Variants in FBXO31 observed in about 807,000 individuals in gnomAD.
FBXO31 encodes the protein F-box protein 31, also known as F-box only protein 31.
In FBXO31, 24 loss-of-function variants were observed where a neutral mutation model predicts 54.4. The observed-to-expected ratio is 0.44, with a 90% confidence interval of 0.32 to 0.62. The LOEUF is 0.62. Ranked by LOEUF, FBXO31 falls within the 20% of genes least tolerant of loss-of-function variation. The pLI is 0.05. For synonymous variants in FBXO31, 388 were observed against 335.6 expected, an observed-to-expected ratio of 1.16 and a Z score of -1.71; for missense variants, 665 against 787.1, an observed-to-expected ratio of 0.84 and a Z score of 1.86.
rs1015578948 is a variant in FBXO31, at chr16:87,327,861, G to C, written c.*3427C>G. ...GTGATGGTTCTATGAGCACATTCCC[G>C]TAAGTGTTCTTAAAAGTTACACCAC... On this transcript the variant is annotated 3_prime_UTR_variant, in exon 9 of 9. Coordinates refer to ENST00000311635, the MANE Select transcript of FBXO31 (RefSeq NM_024735.5). The C allele has an allele frequency of 6.6e-6, 1 of 152,092 alleles. No individual in the cohort carries two copies. The highest frequency in any genetic ancestry group is 1.5e-5 in the Non-Finnish European group (1 of 68,034). 9.4% of individuals were successfully genotyped at this position (152,092 alleles called of 1,614,324 possible). A position where few individuals can be genotyped will look rare whatever the true frequency, so the allele number is the denominator to read the frequency against.
intron 5 of FBXO31, among the ~76,000 whole-genome samples, chr16:87,340,212 A>T (rs1300355402): frequency 6.6e-6 from 1 of 152,222 alleles, no homozygotes; most frequent in Non-Finnish European, 1.5e-5. Flanking sequence ...ACCTGAACCC[A>T]GGAGGCGGAG....
At chr16:87,343,307 C>T (rs1303232081) in intron 4 of FBXO31, among the ~76,000 whole-genome samples, 2 of 152,248 alleles carry the variant, frequency 1.3e-5, no homozygotes, top group Non-Finnish European at 2.9e-5. Flanking sequence ...GCACTTGATT[C>T]CACACTGATA....
At chr16:87,365,542 T>A (rs563843647) in intron 1 of FBXO31, among the ~76,000 whole-genome samples, 2 of 151,850 alleles carry the variant, frequency 1.3e-5, no homozygotes, top group Admixed American at 1.3e-4. Context: ...CGGCAGGGAG[T>A]CCCAGGCATC....
Position 87,351,096 on chromosome 16 carries a change from G to A in FBXO31, c.413-3846C>T, listed in dbSNP as rs373582792. On this transcript the variant is annotated intron_variant, in intron 2 of 8. Transcript: ENST00000311635. Reference sequence around the variant, plus strand: ...CAGCGTGGCCAGATGGGCTGCCAGCGCACAGACCCAGAGGGGACACAGACT... The same window carrying A: ...CAGCGTGGCCAGATGGGCTGCCAGCACACAGACCCAGAGGGGACACAGACT... Among the ~76,000 whole-genome samples, 10 of 152,284 alleles carry A rather than the reference G, an allele frequency of 6.6e-5. No individual in the cohort carries two copies. The East Asian group carries it at 9.6e-4, about 15-fold the overall frequency.
chr16:87,360,030 G>C (rs993048356), intron 2 of FBXO31, among the ~76,000 whole-genome samples: 1 of 152,166 alleles, frequency 6.6e-6, no homozygotes, highest in African/African-American at 2.4e-5. Context: ...AGTCGCTCTG[G>C]TGCAGCCTAC....
rs1904692178 is a variant in FBXO31 at position 87,327,594 on chromosome 16, C to T, written c.*3694G>A. On this transcript the variant is annotated 3_prime_UTR_variant, in exon 9 of 9. Coordinates refer to ENST00000311635, the MANE Select transcript of FBXO31 (RefSeq NM_024735.5). ...CAGCTTGAGCCTAGTAGGTTGAGGC[C>T]TCAGGGAGCCATGATCGCCGCTCTG... is the stretch of plus-strand genomic sequence containing the variant. 6.6e-6 allele frequency: 1 copy of T among 152,192 alleles called. No homozygotes were observed. Among genetic ancestry groups the T allele is most frequent in the Non-Finnish European group, 1.5e-5 (1 of 68,062 alleles). 9.4% of individuals were successfully genotyped at this position (152,192 alleles called of 1,614,324 possible). A position where few individuals can be genotyped will look rare whatever the true frequency, so the allele number is the denominator to read the frequency against.
chr16:87,354,082 T>C (rs1442026746), intron 2 of FBXO31, among the ~76,000 whole-genome samples: 2 of 152,286 alleles, frequency 1.3e-5, no homozygotes, highest in Non-Finnish European at 2.9e-5. Flanking sequence ...GGAATTCTAC[T>C]ACATTTCTAA....
chr16:87,391,493 A>G (rs1465599662), upstream of FBXO31: 1 of 152,312 alleles, frequency 6.6e-6, no homozygotes, highest in Non-Finnish European at 1.5e-5. Context: ...AAGGTTGTCC[A>G]GCGAGTTTAG....
At chr16:87,351,973 C>T (rs576026461) in intron 2 of FBXO31, among the ~76,000 whole-genome samples, 13 of 152,270 alleles carry the variant, frequency 8.5e-5, no homozygotes, top group South Asian at 6.2e-4. Flanking sequence ...ACTAGGGACA[C>T]GAGAAAACGT....
rs1420744494 is a variant in FBXO31 at position 87,383,652 on chromosome 16, G to A, written c.93C>T (p.Ala31=). Residue 31 remains alanine (A), a synonymous_variant, in exon 1 of 9, where the codon GCC becomes GCT. Transcript: ENST00000311635. The surrounding 1 kb of genome is among the most constrained non-coding windows in gnomAD (Gnocchi z 4.9). ...QRRGPAETAA[A]DSEPDTDPEE... is the part of the protein sequence containing the mutation. ...CGGGGTCTGTGTCCGGCTCGCTGTC[G>A]GCCGCCGCCGTCTCGGCCGGGCCCC... 7.5e-7 allele frequency: 1 copy of A among 1,340,558 alleles called. No individual in the cohort carries two copies. The allele number at this position is 1,340,558 out of a possible 1,614,324, so 83.0% of individuals were successfully genotyped here.
intron 2 of FBXO31, among the ~76,000 whole-genome samples, chr16:87,355,866 C>A (rs544861119): frequency 1.1e-4 from 17 of 152,290 alleles, no homozygotes; most frequent in African/African-American, 3.8e-4. Context: ...TCGCTAGGCC[C>A]CAGCTGCGCG....
intron 2 of FBXO31, among the ~76,000 whole-genome samples, chr16:87,354,282 G>A (rs117652682): frequency 1.8e-3 from 278 of 152,234 alleles, no homozygotes; most frequent in Non-Finnish European, 3.1e-3. Flanking sequence ...AGACTGGCCT[G>A]GGTAACATAG....
chr16:87,391,819 G>GC (rs1907566947), upstream of FBXO31: 1 of 152,324 alleles, frequency 6.6e-6, no homozygotes, highest in Admixed American at 6.5e-5. Flanking sequence ...CGGCGACCCT[G>GC]CCTCCCGGAG....
At chr16:87,337,996 A>G (rs1270564525) in intron 5 of FBXO31, among the ~76,000 whole-genome samples, 1 of 152,210 alleles carries the variant, frequency 6.6e-6, no homozygotes, top group African/African-American at 2.4e-5. Flanking sequence ...GGCTCTTTAA[A>G]TAACAGATAG....
intron 2 of FBXO31, among the ~76,000 whole-genome samples, chr16:87,351,289 C>T (rs1346650579): frequency 1.3e-5 from 2 of 152,152 alleles, no homozygotes. Context: ...TGGACACGTA[C>T]GAGTGTGAGC....
intron 5 of FBXO31, among the ~76,000 whole-genome samples, chr16:87,339,416 C>A (rs554650056): frequency 6.6e-6 from 1 of 152,198 alleles, no homozygotes; most frequent in Non-Finnish European, 1.5e-5. Flanking sequence ...AGAAAAGCAG[C>A]GAGGACACTG....
chr16:87,344,202 G>C (rs1395543604), intron 3 of FBXO31, among the ~76,000 whole-genome samples: 3 of 152,262 alleles, frequency 2.0e-5, no homozygotes, highest in Admixed American at 1.3e-4. Flanking sequence ...GTGACACGGA[G>C]ATGCAGGAAA....
chr16:87,386,771 C>T (rs750958), upstream of FBXO31, among the ~76,000 whole-genome samples: 4,980 of 152,250 alleles, frequency 0.033, 252 homozygotes, highest in African/African-American at 0.11. Flanking sequence ...GTAACTAGTA[C>T]ATCAGACTTA....
chr16:87,383,757 CG>C lies in FBXO31; in HGVS notation c.-14del, dbSNP rs1907198427. On this transcript the variant is annotated 5_prime_UTR_variant, in exon 1 of 9. Coordinates refer to ENST00000311635, the MANE Select transcript of FBXO31 (RefSeq NM_024735.5). The surrounding 1 kb of genome is among the most constrained non-coding windows in gnomAD (Gnocchi z 4.9). ...CACACACCGCCATGCCGCCCAGTGA[CG>C]GCCACTGCTGCCGCCTGTGCGCACG... 1.2e-5 allele frequency: 14 copies of C among 1,198,304 alleles called. No homozygotes were observed. The highest frequency in any genetic ancestry group is 1.4e-5 in the Non-Finnish European group (14 of 968,546). The allele number at this position is 1,198,304 out of a possible 1,614,324, so 74.2% of individuals were successfully genotyped here.
Sources: allele counts gnomAD v4.1 joint callset (sites outside exome capture counted in the v4.1 genomes callset), GRCh38; gene constraint gnomAD v4.1.1; non-coding constraint Gnocchi (gnomAD v3.1); transcripts MANE v1.5; gene names NCBI Gene and HGNC (gene_info 2026-07-23, HGNC 2026-07-21).